The following FBXO25 variants were observed in gnomAD, a reference collection of about 807,000 sequenced individuals.
The protein encoded by FBXO25 is F-box only protein 25.
A neutral mutation model predicts 51.9 loss-of-function variants in FBXO25; 45 were observed. The observed-to-expected ratio is 0.87, with a 90% CI of 0.68 to 1.11. FBXO25 has a LOEUF of 1.11. FBXO25 is among the 50% of genes most tolerant of loss of function. The pLI, the probability that FBXO25 is intolerant of heterozygous loss-of-function variation, is 0.00. For missense variants in FBXO25, 507 were observed against 428.5 expected, an observed-to-expected ratio of 1.18 and a Z score of -1.62; for synonymous variants, 199 against 151.0, an observed-to-expected ratio of 1.32 and a Z score of -2.33.
At position 435,681 on chromosome 8, in the gene FBXO25, A is replaced by T; in HGVS notation, c.355A>T (p.Ile119Phe). The T allele has an allele frequency of 6.3e-7, 1 of 1,598,738 alleles. No homozygotes were observed. The highest frequency in any genetic ancestry group is 8.5e-7 in the Non-Finnish European group (1 of 1,175,220). The change falls in exon 5 of 10, where the codon ATC (isoleucine) becomes TTC (phenylalanine). Residue 119 changes from isoleucine (I) to phenylalanine (F), a missense_variant. Ile to Phe is a conservative substitution (Grantham distance 21). Coordinates refer to ENST00000350302, the MANE Select transcript of FBXO25 (RefSeq NM_183420.2). ...AGACTTCTCAAGTGCAATTCAAGAT[A>T]TCCGAAGGTTCAATTATGTGGTCAA... ...RLDFSSAIQD[I>F]RRFNYVVKLL...
intron 4 of FBXO25, among the ~76,000 whole-genome samples, chr8:433,283 G>C (rs1797922433): frequency 6.6e-6 from 1 of 152,116 alleles, no homozygotes; most frequent in East Asian, 1.9e-4. Context: ...GTGGCATGTG[G>C]TATATGTGTG....
At chr8:451,858 T>A (rs769759940) in intron 7 of FBXO25, among the ~76,000 whole-genome samples, 4 of 152,214 alleles carry the variant, frequency 2.6e-5, no homozygotes, top group Non-Finnish European at 5.9e-5. Context: ...TTTTTGGGGA[T>A]GTGTTTATAG....
chr8:444,191 G>A (rs528691965), intron 5 of FBXO25, among the ~76,000 whole-genome samples: 24 of 152,246 alleles, frequency 1.6e-4, no homozygotes, highest in Admixed American at 3.3e-4. Context: ...ACCCAAAGGC[G>A]AAGATTGAGC....
intron 5 of FBXO25, among the ~76,000 whole-genome samples, chr8:445,926 C>T (rs1798711142): frequency 1.3e-5 from 2 of 152,190 alleles, no homozygotes; most frequent in Non-Finnish European, 2.9e-5. Context: ...TTGGCACCCT[C>T]CTGGTGTCTG....
intron 5 of FBXO25, among the ~76,000 whole-genome samples, chr8:444,521 C>G (rs985103385): frequency 1.3e-5 from 2 of 152,072 alleles, no homozygotes; most frequent in African/African-American, 4.8e-5. Flanking sequence ...TTGTGGCCTT[C>G]TTTATAATTG....
chr8:462,409 CTTATT>C (rs67269788), intron 8 of FBXO25, among the ~76,000 whole-genome samples: 17,170 of 152,132 alleles, frequency 0.11, 1,045 homozygotes, highest in South Asian at 0.18. Flanking sequence ...ATGTGTGTAG[CTTATT>C]TTAATTTAAT....
At chr8:453,097 C>G (rs1025521094) in intron 7 of FBXO25, among the ~76,000 whole-genome samples, 1 of 152,216 alleles carries the variant, frequency 6.6e-6, no homozygotes, top group African/African-American at 2.4e-5. Flanking sequence ...GGCAATACCT[C>G]TCTGCCTCAG....
intron 5 of FBXO25, among the ~76,000 whole-genome samples, chr8:444,667 C>T (rs1445625780): frequency 3.3e-5 from 5 of 152,230 alleles, no homozygotes; most frequent in South Asian, 4.1e-4. Flanking sequence ...GATACGCAGT[C>T]ATGCACTACA....
intron 5 of FBXO25, among the ~76,000 whole-genome samples, chr8:445,083 C>G (rs549529088): frequency 6.6e-6 from 1 of 152,150 alleles, no homozygotes; most frequent in East Asian, 1.9e-4. Flanking sequence ...AATTGTCTTT[C>G]GCCCTGTTAT....
chr8:464,615 C>G lies in FBXO25; in HGVS notation c.987+1465C>G, dbSNP rs114703496. Among the ~76,000 whole-genome samples, 1,420 of 152,270 alleles carry G rather than the reference C, an allele frequency of 9.3e-3. 27 individuals carry two copies. The highest frequency in any genetic ancestry group is 0.032 in the African/African-American group (1,343 of 41,550). ...TATATTTGTTATCAGATAGGTCATA[C>G]GGCAAACTCTAGGTTGTCGGAAAGA... On this transcript the variant is annotated intron_variant, in intron 9 of 9. Coordinates refer to ENST00000350302, the MANE Select transcript of FBXO25 (RefSeq NM_183420.2).
intron 7 of FBXO25, 95 bp from the exon 8 acceptor site, chr8:458,274 G>T: frequency 7.2e-7 from 1 of 1,395,656 alleles, no homozygotes; most frequent in Admixed American, 1.9e-5. Flanking sequence ...GTGTTACCAT[G>T]TTTTGAAGCA....
chr8:462,933 A>G (rs1799910553), intron 8 of FBXO25, 74 bp from the exon 9 acceptor site: 3 of 1,508,428 alleles, frequency 2.0e-6, no homozygotes, highest in Non-Finnish European at 2.7e-6. Context: ...AAATAAAATG[A>G]AAAAGTTTTA....
At chr8:408,269 C>G (rs573503977) in intron 1 of FBXO25, among the ~76,000 whole-genome samples, 1 of 151,770 alleles carries the variant, frequency 6.6e-6, no homozygotes, top group Non-Finnish European at 1.5e-5. Flanking sequence ...GTTTTAGTGC[C>G]TTTGTATTTA....
At chr8:456,986 G>C (rs1274856716) in intron 7 of FBXO25, among the ~76,000 whole-genome samples, 1 of 152,188 alleles carries the variant, frequency 6.6e-6, no homozygotes, top group African/African-American at 2.4e-5. Context: ...CATGGAATTA[G>C]CTCAGTCTAG....
chr8:436,198 A>T (rs1002647368), intron 5 of FBXO25, among the ~76,000 whole-genome samples: 2 of 152,232 alleles, frequency 1.3e-5, no homozygotes, highest in African/African-American at 4.8e-5. Flanking sequence ...CTTTTGGAAG[A>T]AATTTTTATC....
At chr8:437,005 G>A (rs769732055) in intron 5 of FBXO25, among the ~76,000 whole-genome samples, 3 of 152,014 alleles carry the variant, frequency 2.0e-5, no homozygotes, top group Admixed American at 1.3e-4. Flanking sequence ...TGTCAGAGGG[G>A]GCATCCATAG....
chr8:431,072 A>T (rs1034110540), intron 2 of FBXO25, among the ~76,000 whole-genome samples: 2 of 152,210 alleles, frequency 1.3e-5, no homozygotes, highest in Non-Finnish European at 2.9e-5. Flanking sequence ...TGTTTTAATA[A>T]GGCATTTTGA....
chr8:459,532 C>T (rs1799670025), intron 8 of FBXO25, among the ~76,000 whole-genome samples: 1 of 152,212 alleles, frequency 6.6e-6, no homozygotes, highest in African/African-American at 2.4e-5. Context: ...TGTTTGAGGA[C>T]TAGGCTGGAG....
rs987466622 is a variant in FBXO25 at position 473,949 on chromosome 8, T to C, written c.*5145T>C. 17 of 152,244 alleles carry C rather than the reference T, an allele frequency of 1.1e-4. No homozygotes were observed. Among genetic ancestry groups the C allele is most frequent in the Non-Finnish European group, 1.9e-4 (13 of 68,054 alleles). 9.4% of individuals were successfully genotyped at this position (152,244 alleles called of 1,614,324 possible). On this transcript the variant is annotated 3_prime_UTR_variant, in exon 10 of 10. Coordinates refer to ENST00000350302, the MANE Select transcript of FBXO25 (RefSeq NM_183420.2). The stretch of plus-strand genomic sequence containing the variant: ...AGAATTTGACATGTTAAAATACACG[T>C]GAAATTTACCATCTTACCTATTTTA...
Sources: allele counts gnomAD v4.1 joint callset (sites outside exome capture counted in the v4.1 genomes callset), GRCh38; gene constraint gnomAD v4.1.1; transcripts MANE v1.5; gene names NCBI Gene and HGNC (gene_info 2026-07-23, HGNC 2026-07-21).